MAST4: variants seen among roughly 807,000 people sequenced by gnomAD.
MAST4 encodes the protein microtubule-associated serine/threonine-protein kinase 4.
In MAST4, 89 loss-of-function variants were observed where a neutral mutation model predicts 162.7. That is an observed-to-expected ratio of 0.55 (90% CI 0.46 to 0.65). The LOEUF is 0.65. Among genes scored for constraint, MAST4 ranks in the 30% least tolerant of loss-of-function variants. MAST4 has a pLI of 0.00. For missense variants in MAST4, 3,153 were observed against 3,374.0 expected (o/e 0.93, Z 1.62); for synonymous variants, 1,479 against 1,361.1 (o/e 1.09, Z -1.91).
At chr5:67,160,043 T>C (rs1326476051) in intron 26 of MAST4, among the ~76,000 whole-genome samples, 1 of 152,152 alleles carries the variant, frequency 6.6e-6, no homozygotes, top group African/African-American at 2.4e-5. Context: ...GTGGAAGAAG[T>C]AGTTATCTTA....
intron 24 of MAST4, among the ~76,000 whole-genome samples, chr5:67,151,767 C>CTTTTTTTTTTTTTTTTTTTTTT (rs1163541260): frequency 5.2e-5 from 6 of 115,666 alleles, no homozygotes; most frequent in Non-Finnish European, 7.2e-5. Context: ...TTCTTTTTTT[C>CTTTTTTTTTTTTTTTTTTTTTT]TTTTTTTTTT....
chr5:67,037,276 T>C (rs1167816317), intron 4 of MAST4, among the ~76,000 whole-genome samples: 1 of 151,502 alleles, frequency 6.6e-6, no homozygotes, highest in African/African-American at 2.4e-5. Flanking sequence ...AGCAGAGAGG[T>C]GATTGTTGAG....
intron 3 of MAST4, among the ~76,000 whole-genome samples, chr5:66,791,735 A>G (rs1358534708): frequency 6.6e-6 from 1 of 152,200 alleles, no homozygotes; most frequent in Admixed American, 6.5e-5. Flanking sequence ...GTCATTTACT[A>G]CTAGATAGTG....
At chr5:66,634,170 C>G (rs1744956217) in intron 1 of MAST4, among the ~76,000 whole-genome samples, 1 of 126,718 alleles carries the variant, frequency 7.9e-6, no homozygotes, top group African/African-American at 2.9e-5. Flanking sequence ...AGCGATTCTC[C>G]TGCCCCAGCC....
chr5:66,890,429 T>C (rs258085), intron 3 of MAST4, among the ~76,000 whole-genome samples: 70,574 of 151,930 alleles, frequency 0.46, 16,750 homozygotes, highest in East Asian at 0.67. Context: ...TTAGGAAGCA[T>C]CAAAACCCAT....
chr5:67,079,118 T>C (rs1413072395), intron 5 of MAST4, among the ~76,000 whole-genome samples: 5 of 150,266 alleles, frequency 3.3e-5, no homozygotes, highest in African/African-American at 1.2e-4. Flanking sequence ...TGTACTCAAC[T>C]GTACCCAAAG....
At chr5:67,156,351 A>G (rs1772535194) in intron 26 of MAST4, among the ~76,000 whole-genome samples, 1 of 152,290 alleles carries the variant, frequency 6.6e-6, no homozygotes, top group Non-Finnish European at 1.5e-5. Context: ...ACCACAGCAC[A>G]CTGCTCTACA....
intron 1 of MAST4, among the ~76,000 whole-genome samples, chr5:66,608,425 C>T (rs13353985): frequency 0.026 from 3,270 of 127,088 alleles, 120 homozygotes; most frequent in African/African-American, 0.093. Context: ...ACATTCTTGA[C>T]GGGAATTCTC....
At chr5:67,146,957 T>A (rs116573698) in intron 23 of MAST4, among the ~76,000 whole-genome samples, 127 of 152,108 alleles carry the variant, frequency 8.3e-4, no homozygotes, top group African/African-American at 3.0e-3. Flanking sequence ...CTGAATAGAG[T>A]ATATTCACCT....
intron 4 of MAST4, among the ~76,000 whole-genome samples, chr5:66,984,385 A>G (rs1035619555): frequency 1.4e-4 from 22 of 152,218 alleles, no homozygotes; most frequent in African/African-American, 4.8e-4. Flanking sequence ...GGCCAGGTCC[A>G]CAAGACTTCA....
intron 10 of MAST4, among the ~76,000 whole-genome samples, chr5:67,106,656 A>G (rs1210558844): frequency 6.6e-6 from 1 of 152,200 alleles, no homozygotes; most frequent in Non-Finnish European, 1.5e-5. Flanking sequence ...AGCTGCAAGA[A>G]TATCTATCTA....
At chr5:66,729,456 T>C (rs1010226989) in intron 1 of MAST4, among the ~76,000 whole-genome samples, 4 of 152,234 alleles carry the variant, frequency 2.6e-5, no homozygotes, top group Non-Finnish European at 2.9e-5. Context: ...TGTTCAGCAG[T>C]GTGCCCACAC....
At chr5:67,137,185 T>G (rs1769768912) in intron 19 of MAST4, among the ~76,000 whole-genome samples, 1 of 152,232 alleles carries the variant, frequency 6.6e-6, no homozygotes, top group Non-Finnish European at 1.5e-5. Context: ...CCTGTCACAG[T>G]GATCAGCACC....
intron 4 of MAST4, among the ~76,000 whole-genome samples, chr5:66,967,743 C>A (rs1012869250): frequency 6.9e-6 from 1 of 145,804 alleles, no homozygotes; most frequent in Non-Finnish European, 1.5e-5. Flanking sequence ...AGGCAAAATA[C>A]ACACTTTGTC....
chr5:67,142,693 T>C (rs778127302), intron 21 of MAST4, 160 bp downstream of exon 21: 102 of 597,914 alleles, frequency 1.7e-4, no homozygotes, highest in Admixed American at 6.1e-4. Flanking sequence ...CCTCAACTTA[T>C]AGTCTGTCCC....
In MAST4 at chr5:67,010,204, G is replaced by A. The variant is rs79602109; in HGVS notation, c.675-44200G>A. 1.1e-3 allele frequency among the ~76,000 whole-genome samples: 169 copies of A among 152,246 alleles called. 1 individual carries two copies. The highest frequency in any genetic ancestry group is 3.9e-3 in the African/African-American group (163 of 41,530). The stretch of plus-strand genomic sequence containing the variant: ...TCCCATGCTGGTCAAGGGACACAGT[G>A]ATAAATGAGATAGATGAGTACTTAG... On this transcript the variant is annotated intron_variant, in intron 4 of 28. Transcript: ENST00000403625.
intron 4 of MAST4, among the ~76,000 whole-genome samples, chr5:66,915,206 C>G (rs1220709194): frequency 6.9e-6 from 1 of 144,264 alleles, no homozygotes; most frequent in African/African-American, 2.6e-5. Context: ...GCGGAGGTAG[C>G]AGTGAGCTGA....
At chr5:66,735,195 C>G in intron 1 of MAST4, among the ~76,000 whole-genome samples, 1 of 152,056 alleles carries the variant, frequency 6.6e-6, no homozygotes, top group East Asian at 1.9e-4. Context: ...ACCATTGAAA[C>G]TAATAAGAAG....
intron 11 of MAST4, among the ~76,000 whole-genome samples, chr5:67,112,901 C>T (rs879562433): frequency 2.6e-5 from 4 of 152,140 alleles, no homozygotes; most frequent in Non-Finnish European, 4.4e-5. Flanking sequence ...GTTCCCCTGA[C>T]AACAAGCTCT....
Sources: allele counts gnomAD v4.1 joint callset (sites outside exome capture counted in the v4.1 genomes callset), GRCh38; gene constraint gnomAD v4.1.1; transcripts MANE v1.5; gene names NCBI Gene and HGNC (gene_info 2026-07-23, HGNC 2026-07-21).